Variants in ZNF98 observed in about 807,000 individuals in gnomAD.
The protein encoded by ZNF98 is zinc finger protein 739.
Under a neutral mutation model 12.8 loss-of-function variants are expected in ZNF98, and 8 were observed. The ratio of observed to expected loss-of-function variants is 0.63; its 90% CI spans 0.37 to 1.13. The LOEUF (loss-of-function observed/expected upper bound fraction) is 1.13, where lower values mean the gene tolerates loss of function less well. Ranked by LOEUF, ZNF98 falls within the 50% of genes most tolerant of loss-of-function variation. The probability of loss-of-function intolerance (pLI) is 0.01; values close to 1 mark genes in which losing one functional copy is unlikely to be tolerated. For missense variants in ZNF98, 379 were observed against 666.1 expected, an observed-to-expected ratio of 0.57 and a Z score of 4.74; for synonymous variants, 112 against 223.5, an observed-to-expected ratio of 0.50 and a Z score of 4.45.
chr19:22,402,175 CAAAAAAAA>C (rs869111485), intron 3 of ZNF98, among the ~76,000 whole-genome samples: 1 of 60,508 alleles, frequency 1.7e-5, no homozygotes, highest in Admixed American at 2.4e-4. Flanking sequence ...GACTCCATCT[CAAAAAAAA>C]AAAAAAAAAA....
chr19:22,415,187 C>T (rs531845889), intron 1 of ZNF98, among the ~76,000 whole-genome samples: 2 of 152,182 alleles, frequency 1.3e-5, no homozygotes, highest in East Asian at 3.9e-4. Context: ...TATCATCTCA[C>T]ACCAGTGAGA....
At chr19:22,398,494 T>G (rs71333872) in intron 3 of ZNF98, among the ~76,000 whole-genome samples, 65,606 of 138,064 alleles carry the variant, frequency 0.48, 13,906 homozygotes, top group African/African-American at 0.51. Flanking sequence ...ATCTCCCAAG[T>G]AGACAGGACC....
At chr19:22,416,239 G>A (rs1400400468) in intron 1 of ZNF98, among the ~76,000 whole-genome samples, 1 of 152,070 alleles carries the variant, frequency 6.6e-6, no homozygotes, top group Non-Finnish European at 1.5e-5. Flanking sequence ...GGGAGGCCAA[G>A]GCGGACAGAT....
chr19:22,421,538 C>T (rs750034946), intron 1 of ZNF98, among the ~76,000 whole-genome samples: 30 of 152,200 alleles, frequency 2.0e-4, no homozygotes, highest in Middle Eastern at 3.4e-3. Flanking sequence ...AAAATTCAGG[C>T]TTAAAAAATG....
In ZNF98 at chr19:22,422,324, C is replaced by T. The variant is rs1036362948; in HGVS notation, c.-100G>A. Reference sequence around the variant, plus strand: ...AGGGCGAAGACGAGACCAGGAACTCCGGCTGCAGCGAGAGACAAAGACCCC... The same window carrying T: ...AGGGCGAAGACGAGACCAGGAACTCTGGCTGCAGCGAGAGACAAAGACCCC... On this transcript the variant is annotated 5_prime_UTR_variant, in exon 1 of 4. Coordinates refer to ENST00000357774, the MANE Select transcript of ZNF98 (RefSeq NM_001098626.2). 1.4e-6 allele frequency: 2 copies of T among 1,423,064 alleles called. No homozygotes were observed. The highest frequency in any genetic ancestry group is 1.4e-5 in the African/African-American group (1 of 71,046). The allele number at this position is 1,423,064 out of a possible 1,614,324, so 88.2% of individuals were successfully genotyped here.
chr19:22,408,395 C>T (rs1260214571), intron 1 of ZNF98, among the ~76,000 whole-genome samples: 1 of 152,094 alleles, frequency 6.6e-6, no homozygotes, highest in Non-Finnish European at 1.5e-5. Flanking sequence ...GACAAGGATG[C>T]CCTTTCTCAC....
At chr19:22,407,431 CGGCTG>C (rs1447279988) in intron 1 of ZNF98, among the ~76,000 whole-genome samples, 1 of 145,536 alleles carries the variant, frequency 6.9e-6, no homozygotes, top group Non-Finnish European at 1.5e-5. Context: ...TTTCATTTCT[CGGCTG>C]GGCACGGTGG....
intron 1 of ZNF98, among the ~76,000 whole-genome samples, chr19:22,415,618 C>CAAAAA (rs56046308): frequency 1.2e-4 from 16 of 130,518 alleles, no homozygotes; most frequent in African/African-American, 2.3e-4. Context: ...ACAAAAAATA[C>CAAAAA]AAAAAAAAAA....
intron 1 of ZNF98, among the ~76,000 whole-genome samples, chr19:22,417,418 T>C (rs1371286379): frequency 1.3e-5 from 2 of 151,924 alleles, no homozygotes; most frequent in African/African-American, 4.8e-5. Flanking sequence ...CAAACCCCCA[T>C]GACACAATTT....
chr19:22,417,006 G>A (rs1969651390), intron 1 of ZNF98, among the ~76,000 whole-genome samples: 1 of 152,182 alleles, frequency 6.6e-6, no homozygotes, highest in Non-Finnish European at 1.5e-5. Flanking sequence ...AAGGCAGGCA[G>A]ATCACCTGAG....
intron 1 of ZNF98, 53 bp downstream of exon 1, chr19:22,422,142 G>C: frequency 6.2e-7 from 1 of 1,610,014 alleles, no homozygotes; most frequent in South Asian, 1.1e-5. Context: ...TCTTCCCACC[G>C]GTTCCAACCA....
intron 3 of ZNF98, among the ~76,000 whole-genome samples, chr19:22,402,176 A>G: frequency 2.8e-5 from 1 of 35,362 alleles, no homozygotes; most frequent in Non-Finnish European, 5.4e-5. Context: ...ACTCCATCTC[A>G]AAAAAAAAAA....
chr19:22,419,319 C>G (rs1969678493), intron 1 of ZNF98, among the ~76,000 whole-genome samples: 1 of 152,176 alleles, frequency 6.6e-6, no homozygotes. Context: ...TTAACCTTAA[C>G]TGCATCTCTC....
chr19:22,391,222 T>C lies in ZNF98; in HGVS notation c.*294A>G. 2.4e-6 allele frequency: 1 copy of C among 417,382 alleles called. No individual in the cohort carries two copies. The highest frequency in any genetic ancestry group is 3.6e-5 in the South Asian group (1 of 27,762). The allele number at this position is 417,382 out of a possible 1,614,324, so 25.9% of individuals were successfully genotyped here. ...TCAAAATAAATCCTCTTCAGCACTT[T>C]AAATGCTTATATTTTCTGAACTCTT... On this transcript the variant is annotated 3_prime_UTR_variant, in exon 4 of 4. Transcript: ENST00000357774.
intron 1 of ZNF98, among the ~76,000 whole-genome samples, chr19:22,412,367 G>GA (rs1171541945): frequency 9.2e-5 from 14 of 152,004 alleles, no homozygotes; most frequent in Non-Finnish European, 1.8e-4. Flanking sequence ...GAAGTTCTTT[G>GA]AAAAAAATGA....
chr19:22,391,852 G>C lies in ZNF98; in HGVS notation c.1383C>G (p.Pro461=), dbSNP rs1295555749. 4 of 1,587,290 alleles carry C rather than the reference G, an allele frequency of 2.5e-6. No homozygotes were observed. In the Admixed American group the frequency reaches 5.1e-5, roughly 20 times the overall value. The change falls in exon 4 of 4, where the codon CCC becomes CCG. Residue 461 remains proline (P), a synonymous_variant. Transcript: ENST00000357774. ...THKIIHTGEK[P]YKCEECGKAF... ...CTTTGCCACATTCTTCACATTTGTA[G>C]GGTTTCTCTCCAGTATGAATTATCT... is the stretch of plus-strand genomic sequence containing the variant.
chr19:22,403,261 A>AAC, intron 2 of ZNF98, 125 bp downstream of exon 2: 2 of 1,235,926 alleles, frequency 1.6e-6, no homozygotes. Flanking sequence ...TTGAAGTTAA[A>AAC]AAAAAAAAAC....
chr19:22,391,794 T>G lies in ZNF98; in HGVS notation c.1441A>C (p.Lys481Gln), dbSNP rs1969326896. The change falls in exon 4 of 4, where the codon AAG becomes CAG. Residue 481 changes from lysine (K) to glutamine (Q), a missense_variant. Physicochemically the swap from Lys to Gln is moderately conservative, Grantham distance 53 (BLOSUM62 1). Transcript: ENST00000357774. ...FNQSSTLSKH[K>Q]VIHTGEKPYK... ...GGCTTCTCTCCAGTATGAATTACCT[T>G]ATGTTTAGAAAGAGTTGAGGACTGG... 3.7e-6 allele frequency: 6 copies of G among 1,601,698 alleles called. No homozygotes were observed. Among genetic ancestry groups the G allele is most frequent in the Non-Finnish European group, 5.1e-6 (6 of 1,173,920 alleles).
Position 22,413,869 on chromosome 19 carries a change from C to CAAA in ZNF98, c.30+8323_30+8325dup, listed in dbSNP as rs57148885. Among the ~76,000 whole-genome samples, 164 of 42,896 alleles carry CAAA rather than the reference C, an allele frequency of 3.8e-3. 1 individual carries two copies. The highest frequency in any genetic ancestry group is 6.9e-3 in the African/African-American group (86 of 12,376). 28.1% of individuals were successfully genotyped at this position (42,896 alleles called of 152,430 possible). A position where few individuals can be genotyped will look rare whatever the true frequency, so the allele number is the denominator to read the frequency against. ...GGGCAAAAAGAGCAAAACTCCGTCT[C>CAAA]AAAAAAAAAAAAAAAAAAAAAAAGT... On this transcript the variant is annotated intron_variant, in intron 1 of 3. Coordinates refer to ENST00000357774, the MANE Select transcript of ZNF98 (RefSeq NM_001098626.2).
Sources: allele counts gnomAD v4.1 joint callset (sites outside exome capture counted in the v4.1 genomes callset), GRCh38; gene constraint gnomAD v4.1.1; transcripts MANE v1.5; gene names NCBI Gene and HGNC (gene_info 2026-07-23, HGNC 2026-07-21).